ZCCHC24: variants seen among roughly 807,000 people sequenced by gnomAD.
ZCCHC24 encodes zinc finger CCHC-type containing 24, also known as zinc finger CCHC domain-containing protein 24.
A neutral mutation model predicts 26.2 loss-of-function variants in ZCCHC24; 10 were observed. The observed-to-expected ratio is 0.38, with a 90% CI of 0.24 to 0.65. ZCCHC24 has a LOEUF of 0.65. Ranked by LOEUF, ZCCHC24 falls within the 30% of genes least tolerant of loss-of-function variation. The probability of loss-of-function intolerance (pLI) is 0.54; values close to 1 mark genes in which losing one functional copy is unlikely to be tolerated. For missense variants in ZCCHC24, 243 were observed against 329.1 expected (o/e 0.74, Z 2.03); for synonymous variants, 144 against 147.1 (o/e 0.98, Z 0.15).
intron 2 of ZCCHC24, among the ~76,000 whole-genome samples, chr10:79,424,367 G>A (rs1391286971): frequency 6.6e-6 from 1 of 152,240 alleles, no homozygotes; most frequent in Non-Finnish European, 1.5e-5. Context: ...GTTTATGCAC[G>A]TGTATTTGTA....
chr10:79,399,695 G>A (rs1003577189), intron 2 of ZCCHC24, among the ~76,000 whole-genome samples: 1 of 152,190 alleles, frequency 6.6e-6, no homozygotes, highest in African/African-American at 2.4e-5. Flanking sequence ...GGGAAGCTGT[G>A]GCCAGTATGG....
chr10:79,443,967 GCCTC>G, intron 1 of ZCCHC24: 2 of 1,196,912 alleles, frequency 1.7e-6, no homozygotes, highest in Non-Finnish European at 2.2e-6. Flanking sequence ...ATATGTCCAT[GCCTC>G]CCCTAGTAAA....
intron 3 of ZCCHC24, among the ~76,000 whole-genome samples, chr10:79,386,794 A>T (rs1856404195): frequency 6.6e-6 from 1 of 152,140 alleles, no homozygotes; most frequent in African/African-American, 2.4e-5. Context: ...GGGGCCTTGT[A>T]CCTGGCACCC....
intron 1 of ZCCHC24, among the ~76,000 whole-genome samples, chr10:79,434,822 C>G (rs998233619): frequency 5.3e-5 from 8 of 152,182 alleles, no homozygotes; most frequent in African/African-American, 1.9e-4. Context: ...GTGCAGCCAT[C>G]GCCACCGTCC....
In ZCCHC24 at chr10:79,432,680, T is replaced by C; in HGVS notation, c.325A>G (p.Thr109Ala). The change falls in exon 2 of 4, where the codon ACC becomes GCC. Residue 109 changes from threonine (T) to alanine (A), a missense_variant. This residue lies in a region of ZCCHC24 where 147 missense variants were observed against 150.8 expected (regional missense o/e 0.97). Coordinates refer to ENST00000372336, the MANE Select transcript of ZCCHC24 (RefSeq NM_153367.4). ...AGGGTCAGGTCTGAGAAGTGCTCGG[T>C]GAGGGAGCTGAGGCCATCGGCGATG... Reference protein sequence around the residue: ...NNIADGLSSLTEHFSDLTLTS... With the variant: ...NNIADGLSSLAEHFSDLTLTS... 1 of 1,608,168 alleles carries C rather than the reference T, an allele frequency of 6.2e-7. No individual in the cohort carries two copies. The highest frequency in any genetic ancestry group is 8.5e-7 in the Non-Finnish European group (1 of 1,177,716).
chr10:79,404,735 A>C (rs528443711), intron 2 of ZCCHC24, among the ~76,000 whole-genome samples: 1 of 152,320 alleles, frequency 6.6e-6, no homozygotes, highest in African/African-American at 2.4e-5. Context: ...AAATACTTAA[A>C]TGAAGGCCCA....
chr10:79,441,020 C>T (rs1175099586), intron 1 of ZCCHC24, among the ~76,000 whole-genome samples: 1 of 151,520 alleles, frequency 6.6e-6, no homozygotes, highest in African/African-American at 2.4e-5. Context: ...GGAGCATCCT[C>T]CCGAACTCTG....
rs1225770442 is a variant in ZCCHC24, at chr10:79,384,789, C to A, written c.*1556G>T. 2 of 152,036 alleles carry A rather than the reference C, an allele frequency of 1.3e-5. No individual in the cohort carries two copies. Among genetic ancestry groups the A allele is most frequent in the African/African-American group, 4.9e-5 (2 of 41,214 alleles). The allele number at this position is 152,036 out of a possible 1,614,324, so 9.4% of individuals were successfully genotyped here. ...GGGCATCCTTGAGCCATGGTAAACACTGAATTTCAGGCTCATTTCTTGGTC... is the reference window on the plus strand; with the variant it reads ...GGGCATCCTTGAGCCATGGTAAACAATGAATTTCAGGCTCATTTCTTGGTC... On this transcript the variant is annotated 3_prime_UTR_variant, in exon 4 of 4. Transcript: ENST00000372336.
intron 1 of ZCCHC24, among the ~76,000 whole-genome samples, chr10:79,439,415 AG>A (rs1857261015): frequency 6.6e-6 from 1 of 152,002 alleles, no homozygotes; most frequent in South Asian, 2.1e-4. Context: ...CTCACAAGTC[AG>A]GAGGTGGAAG....
chr10:79,414,921 G>C (rs1203001302), intron 2 of ZCCHC24, among the ~76,000 whole-genome samples: 2 of 152,154 alleles, frequency 1.3e-5, no homozygotes, highest in African/African-American at 4.8e-5. Flanking sequence ...CAAGTAACTG[G>C]CCTAAGGATA....
intron 2 of ZCCHC24, 73 bp downstream of exon 2, chr10:79,432,485 C>T: frequency 1.3e-6 from 2 of 1,500,234 alleles, no homozygotes; most frequent in Non-Finnish European, 1.8e-6. Context: ...GCTTCGCCTG[C>T]CCTACCCACA....
intron 2 of ZCCHC24, among the ~76,000 whole-genome samples, chr10:79,402,883 C>T (rs901970348): frequency 2.0e-5 from 3 of 152,186 alleles, no homozygotes; most frequent in Non-Finnish European, 2.9e-5. Context: ...GGAACACAGC[C>T]GCACCTCTTA....
intron 2 of ZCCHC24, among the ~76,000 whole-genome samples, chr10:79,411,811 G>A (rs1187641764): frequency 1.3e-5 from 2 of 152,038 alleles, no homozygotes; most frequent in Non-Finnish European, 1.5e-5. Flanking sequence ...GCCCCTCCTG[G>A]AGGTGCCATG....
In ZCCHC24 at chr10:79,445,427, G is replaced by T. The variant is rs1276851742; in HGVS notation, c.14C>A (p.Ser5Ter). The change falls in exon 1 of 4, where the codon TCG becomes TAG. Residue 5 changes from serine to a stop codon, truncating the protein, a stop_gained. Coordinates refer to ENST00000372336, the MANE Select transcript of ZCCHC24 (RefSeq NM_153367.4). LOFTEE classifies it high-confidence loss of function. The part of the protein sequence containing the change: MSLL[S>*]AIDTSAASVY... Reference sequence around the variant, plus strand: ...CGAGGCGGCGCTCGTGTCGATGGCCGACAGCAGGCTCATTTTGTGGCGGCG... The same window carrying T: ...CGAGGCGGCGCTCGTGTCGATGGCCTACAGCAGGCTCATTTTGTGGCGGCG... 1.4e-6 allele frequency: 2 copies of T among 1,472,666 alleles called. No individual in the cohort carries two copies. The highest frequency in any genetic ancestry group is 3.0e-5 in the East Asian group (1 of 33,894). The allele number at this position is 1,472,666 out of a possible 1,614,324, so 91.2% of individuals were successfully genotyped here.
chr10:79,392,073 T>C (rs1197881106), intron 3 of ZCCHC24, among the ~76,000 whole-genome samples: 1 of 151,588 alleles, frequency 6.6e-6, no homozygotes, highest in African/African-American at 2.4e-5. Context: ...CCGTCTAGCT[T>C]CCCTTCCCTG....
At chr10:79,396,660 C>G (rs927639207) in intron 2 of ZCCHC24, among the ~76,000 whole-genome samples, 3 of 152,252 alleles carry the variant, frequency 2.0e-5, no homozygotes, top group Non-Finnish European at 4.4e-5. Context: ...CACCTTGGAT[C>G]TGCAGAATCA....
chr10:79,420,399 CTG>C (rs1019000357), intron 2 of ZCCHC24, among the ~76,000 whole-genome samples: 31 of 152,330 alleles, frequency 2.0e-4, no homozygotes, highest in South Asian at 6.2e-4. Context: ...CCAGCCACCT[CTG>C]TGGATCCCCA....
At chr10:79,407,508 C>T (rs1429863205) in intron 2 of ZCCHC24, among the ~76,000 whole-genome samples, 1 of 152,262 alleles carries the variant, frequency 6.6e-6, no homozygotes, top group Non-Finnish European at 1.5e-5. Context: ...GCCCCAGAGT[C>T]TCAGAATCAA....
At chr10:79,427,577 C>T (rs893932342) in intron 2 of ZCCHC24, among the ~76,000 whole-genome samples, 2 of 151,066 alleles carry the variant, frequency 1.3e-5, no homozygotes, top group Admixed American at 6.6e-5. Context: ...CAACACACTC[C>T]TAAATAACCA....
Sources: allele counts gnomAD v4.1 joint callset (sites outside exome capture counted in the v4.1 genomes callset), GRCh38; gene constraint gnomAD v4.1.1; regional missense constraint gnomAD v4.1.1; transcripts MANE v1.5; gene names NCBI Gene and HGNC (gene_info 2026-07-23, HGNC 2026-07-21).